JADE2: variants seen among roughly 807,000 people sequenced by gnomAD.
JADE2 encodes jade family PHD finger 2.
A neutral mutation model predicts 85.7 loss-of-function variants in JADE2; 13 were observed. That is an observed-to-expected ratio of 0.15 (90% CI 0.10 to 0.24). The LOEUF is 0.24. Ranked by LOEUF, JADE2 falls within the 10% of genes least tolerant of loss-of-function variation. The probability of loss-of-function intolerance (pLI) is 1.00; values close to 1 mark genes in which losing one functional copy is unlikely to be tolerated. For synonymous variants in JADE2, 440 were observed against 456.1 expected, an observed-to-expected ratio of 0.96 and a Z score of 0.45; for missense variants, 846 against 1,115.9, an observed-to-expected ratio of 0.76 and a Z score of 3.45.
rs112525085 is a variant in JADE2 at position 134,531,589 on chromosome 5, CTTT to C, written c.1-4260_1-4258del. On this transcript the variant is annotated intron_variant, in intron 1 of 11. Coordinates refer to ENST00000681547, the MANE Select transcript of JADE2 (RefSeq NM_001388185.1). ...ACCATGTCCAGCTTCTGATTTATAC[CTTT>C]TTTTTTTTGAGACAGAGTCCCACTC... 6.3e-4 allele frequency among the ~76,000 whole-genome samples: 92 copies of C among 147,082 alleles called. 6 individuals carry two copies. In the South Asian group the frequency reaches 0.019, roughly 31 times the overall value.
At chr5:134,540,755 C>A (rs1219955436) in intron 3 of JADE2, among the ~76,000 whole-genome samples, 1 of 152,134 alleles carries the variant, frequency 6.6e-6, no homozygotes, top group Non-Finnish European at 1.5e-5. Flanking sequence ...CTAGGGTTGG[C>A]TTATCTCCTT....
chr5:134,577,780 C>G (rs1253879157), intron 11 of JADE2, among the ~76,000 whole-genome samples: 4 of 152,180 alleles, frequency 2.6e-5, no homozygotes, highest in African/African-American at 7.2e-5. Context: ...TGCCCCCTCC[C>G]AAGACCTCGG....
intron 10 of JADE2, 98 bp downstream of exon 10, chr5:134,573,860 T>A: frequency 1.2e-6 from 1 of 838,084 alleles, no homozygotes; most frequent in Non-Finnish European, 2.1e-6. Flanking sequence ...GGTGGGGGTA[T>A]GTGCGTGGAG....
intron 9 of JADE2, among the ~76,000 whole-genome samples, chr5:134,568,418 C>T (rs1440052110): frequency 1.3e-5 from 2 of 152,206 alleles, no homozygotes; most frequent in Non-Finnish European, 2.9e-5. Context: ...CTTCCCACCC[C>T]AGTGTTGGCT....
At chr5:134,559,241 C>T (rs1295610488) in intron 4 of JADE2, among the ~76,000 whole-genome samples, 3 of 152,170 alleles carry the variant, frequency 2.0e-5, no homozygotes, top group Admixed American at 1.3e-4. Context: ...CCAGAGGAGA[C>T]GTGGCCTCAG....
At chr5:134,538,890 T>A (rs933361193) in intron 3 of JADE2, among the ~76,000 whole-genome samples, 5 of 151,374 alleles carry the variant, frequency 3.3e-5, no homozygotes, top group African/African-American at 1.2e-4. Context: ...TGAGGTTCTC[T>A]CTGTTCCCCA....
chr5:134,525,854 G>A lies in JADE2; in HGVS notation c.-158G>A. The A allele has an allele frequency of 1.0e-6, 1 of 989,980 alleles. No homozygotes were observed. The highest frequency in any genetic ancestry group is 1.2e-6 in the Non-Finnish European group (1 of 832,306). The allele number at this position is 989,980 out of a possible 1,614,324, so 61.3% of individuals were successfully genotyped here. On this transcript the variant is annotated 5_prime_UTR_variant, in exon 1 of 12. Transcript: ENST00000681547. Reference sequence around the variant, plus strand: ...GTGGGGCCTGGGACGCCGCGGGCCCGGCCGCCTCCCTCGCCGCGACCCCGG... The same window carrying A: ...GTGGGGCCTGGGACGCCGCGGGCCCAGCCGCCTCCCTCGCCGCGACCCCGG...
intron 3 of JADE2, among the ~76,000 whole-genome samples, chr5:134,548,092 A>G (rs867553919): frequency 3.9e-5 from 6 of 152,246 alleles, no homozygotes; most frequent in Non-Finnish European, 5.9e-5. Flanking sequence ...GGAGACTGCA[A>G]GTGCATCCGT....
At chr5:134,525,293 G>A (rs1271106843), upstream of JADE2, among the ~76,000 whole-genome samples, 1 of 152,022 alleles carries the variant, frequency 6.6e-6, no homozygotes, top group Non-Finnish European at 1.5e-5. Flanking sequence ...TGAAGTGTGA[G>A]CAGACCTGAT....
At chr5:134,526,517 T>TA (rs1418568934) in intron 1 of JADE2, 1 of 985,164 alleles carries the variant, frequency 1.0e-6, no homozygotes, top group Non-Finnish European at 1.2e-6. Flanking sequence ...ATTTTGTTGA[T>TA]ACGCAGCACG....
Position 134,576,753 on chromosome 5 carries a change from C to CT in JADE2, c.1553-12dup, listed in dbSNP as rs1358419486. ...GGTAACCATCTCCCTCCTCCTCTCA[C>CT]TTTCCCTGACACAGAGCGGTCTGGG... is the stretch of plus-strand genomic sequence containing the variant. On this transcript the variant is annotated splice_polypyrimidine_tract_variant and intron_variant, in intron 10 of 11. Coordinates refer to ENST00000681547, the MANE Select transcript of JADE2 (RefSeq NM_001388185.1). 2.6e-6 allele frequency: 4 copies of CT among 1,550,552 alleles called. No individual in the cohort carries two copies. In the South Asian group the frequency reaches 4.8e-5, roughly 18 times the overall value.
At position 134,566,093 on chromosome 5, in the gene JADE2, T is replaced by C; in HGVS notation, c.970-23T>C. On this transcript the variant is annotated intron_variant, in intron 8 of 11. Transcript: ENST00000681547. The surrounding 1 kb of genome is among the most constrained non-coding windows in gnomAD (Gnocchi z 6.7). ...CCCACCAGGCTCCCTCCATGTCTGA[T>C]CCTGCCCCTCCTTTCCCCTCAGTGT... 1 of 1,596,784 alleles carries C rather than the reference T, an allele frequency of 6.3e-7. No homozygotes were observed.
chr5:134,526,593 C>G (rs752964554), intron 1 of JADE2: 180 of 985,284 alleles, frequency 1.8e-4, no homozygotes, highest in Admixed American at 1.5e-3. Flanking sequence ...GCAGCCGGTC[C>G]GGTCCCAGAC....
chr5:134,535,077 C>T (rs1277451719), intron 1 of JADE2, among the ~76,000 whole-genome samples: 2 of 152,192 alleles, frequency 1.3e-5, no homozygotes, highest in African/African-American at 4.8e-5. Context: ...AAATGGAGCT[C>T]ACAGCTCACC....
chr5:134,526,208 G>A, intron 1 of JADE2, 197 bp downstream of exon 1: 2 of 985,454 alleles, frequency 2.0e-6, no homozygotes, highest in Non-Finnish European at 2.4e-6. Flanking sequence ...GAGAGATTGC[G>A]CATGTTGGTC....
At chr5:134,531,435 T>G (rs1373076109) in intron 1 of JADE2, among the ~76,000 whole-genome samples, 1 of 152,118 alleles carries the variant, frequency 6.6e-6, no homozygotes, top group Admixed American at 6.5e-5. Context: ...CCTTTTAAAA[T>G]TTTTATTTTG....
At position 134,560,741 on chromosome 5, in the gene JADE2, C is replaced by G; in HGVS notation, c.473-5C>G. ...CACCACCATGCCCTGCTGTCCTCCT[C>G]ACAGAGAGGCCGGAGCTGGACGAGC... On this transcript the variant is annotated splice_polypyrimidine_tract_variant and splice_region_variant and intron_variant, in intron 5 of 11. Coordinates refer to ENST00000681547, the MANE Select transcript of JADE2 (RefSeq NM_001388185.1). 3 of 1,612,166 alleles carry G rather than the reference C, an allele frequency of 1.9e-6. No homozygotes were observed. The highest frequency in any genetic ancestry group is 2.5e-6 in the Non-Finnish European group (3 of 1,179,136).
At chr5:134,557,268 A>ATTTTTTTTTTTT (rs59125974) in intron 4 of JADE2, among the ~76,000 whole-genome samples, 1 of 137,900 alleles carries the variant, frequency 7.3e-6, no homozygotes, top group African/African-American at 2.7e-5. Context: ...TTATTTTTTT[A>ATTTTTTTTTTTT]TTTTTTTTTT....
intron 3 of JADE2, among the ~76,000 whole-genome samples, chr5:134,543,272 C>T (rs1762087123): frequency 6.6e-6 from 1 of 150,864 alleles, no homozygotes; most frequent in South Asian, 2.1e-4. Context: ...CCTCGTGATC[C>T]GCCCACCTCG....
Sources: allele counts gnomAD v4.1 joint callset (sites outside exome capture counted in the v4.1 genomes callset), GRCh38; gene constraint gnomAD v4.1.1; non-coding constraint Gnocchi (gnomAD v3.1); transcripts MANE v1.5; gene names NCBI Gene and HGNC (gene_info 2026-07-23, HGNC 2026-07-21).